Variants in CLSTN3 observed in about 807,000 individuals in gnomAD.
The protein encoded by CLSTN3 is calsyntenin 3.
In CLSTN3, 36 loss-of-function variants were observed where a neutral mutation model predicts 95.9. That is an observed-to-expected ratio of 0.38 (90% CI 0.29 to 0.50). CLSTN3 has a LOEUF of 0.50. Ranked by LOEUF, CLSTN3 falls within the 20% of genes least tolerant of loss-of-function variation. CLSTN3 has a pLI of 0.95. For missense variants in CLSTN3, 1,084 were observed against 1,268.8 expected (o/e 0.85, Z 2.21); for synonymous variants, 481 against 504.0 (o/e 0.95, Z 0.61).
intron 1 of CLSTN3, 133 bp downstream of exon 1, chr12:7,130,845 C>A: frequency 2.5e-6 from 2 of 788,562 alleles, no homozygotes. Flanking sequence ...ACCCTCCTTC[C>A]CATCCGTTCT....
intron 16 of CLSTN3, chr12:7,156,559 G>A: frequency 2.2e-6 from 1 of 456,796 alleles, no homozygotes; most frequent in South Asian, 1.5e-5. Flanking sequence ...AGGCGGCCAG[G>A]TGGCTGGTGT....
intron 6 of CLSTN3, 60 bp downstream of exon 6, chr12:7,136,451 C>T (rs1939423196): frequency 2.1e-6 from 3 of 1,450,832 alleles, no homozygotes; most frequent in Non-Finnish European, 2.8e-6. Context: ...TCTGTCCAAA[C>T]TTTTCCAAGA....
At chr12:7,140,989 C>A (rs1371553396) in intron 8 of CLSTN3, among the ~76,000 whole-genome samples, 1 of 152,192 alleles carries the variant, frequency 6.6e-6, no homozygotes, top group Non-Finnish European at 1.5e-5. Flanking sequence ...TGTTACTCCT[C>A]TTAGGAATAT....
At chr12:7,129,675 T>C (rs1939241021), upstream of CLSTN3, 14 of 985,390 alleles carry the variant, frequency 1.4e-5, no homozygotes, top group Non-Finnish European at 1.7e-5. This position sits in a 1 kb window ranked among gnomAD's most constrained non-coding sequence, Gnocchi z 5.5. Context: ...CTAAATAATA[T>C]TGTGCCCCGC....
chr12:7,133,089 G>T lies in CLSTN3; in HGVS notation c.130G>T (p.Val44Phe). 6.2e-7 allele frequency: 1 copy of T among 1,614,086 alleles called. No individual in the cohort carries two copies. Among genetic ancestry groups the T allele is most frequent in the Non-Finnish European group, 8.5e-7 (1 of 1,180,014 alleles). The part of the protein sequence containing the change: ...QGIVMENDNT[V>F]LLNPPLFALD... Reference sequence around the variant, plus strand: ...CATCGTCATGGAGAATGACAACACGGTCCTACTGAATCCACCACTCTTTGC... The same window carrying T: ...CATCGTCATGGAGAATGACAACACGTTCCTACTGAATCCACCACTCTTTGC... Residue 44 changes from valine (V) to phenylalanine (F), a missense_variant, in exon 2 of 18, where the codon GTC becomes TTC. By Grantham distance (50) the Val-to-Phe change is conservative. Transcript: ENST00000266546. This position sits in a 1 kb window ranked among gnomAD's most constrained non-coding sequence, Gnocchi z 4.7.
chr12:7,147,657 A>G (rs1939643958), intron 12 of CLSTN3, among the ~76,000 whole-genome samples: 1 of 151,542 alleles, frequency 6.6e-6, no homozygotes, highest in Admixed American at 6.6e-5. Flanking sequence ...TGGGACTACA[A>G]GCATCTACCA....
In CLSTN3 at chr12:7,149,048, C is replaced by G. The variant is rs146459793; in HGVS notation, c.1924C>G (p.Gln642Glu). 32 of 1,614,240 alleles carry G rather than the reference C, an allele frequency of 2.0e-5. No homozygotes were observed. In the African/African-American group the frequency reaches 3.9e-4, roughly 19 times the overall value. Residue 642 changes from glutamine to glutamate, a missense_variant, in exon 13 of 18, where the codon CAG (glutamine) becomes GAG (glutamate). Transcript: ENST00000266546. The surrounding 1 kb of genome is among the most constrained non-coding windows in gnomAD (Gnocchi z 4.5). Reference sequence around the variant, plus strand: ...GGTCGTCCTTCAGCCTGACGCCCCCCAGATCCTGCTGAGTGGCACTGCTCA... The same window carrying G: ...GGTCGTCCTTCAGCCTGACGCCCCCGAGATCCTGCTGAGTGGCACTGCTCA... ...YVVVLQPDAPQILLSGTAHFA... is the reference protein window; with the variant it reads ...YVVVLQPDAPEILLSGTAHFA...
In CLSTN3 at chr12:7,149,445, G is replaced by A; in HGVS notation, c.2075-78G>A. 7.4e-7 allele frequency: 1 copy of A among 1,356,876 alleles called. No homozygotes were observed. Among genetic ancestry groups the A allele is most frequent in the Non-Finnish European group, 1.0e-6 (1 of 972,708 alleles). The allele number at this position is 1,356,876 out of a possible 1,614,324, so 84.1% of individuals were successfully genotyped here. A position where few individuals can be genotyped will look rare whatever the true frequency, so the allele number is the denominator to read the frequency against. ...TGGCCCTGGAAAGGGAGGGAGAGTGGTGATGAGGGCATGGTTGGGTCTCAG... is the reference window on the plus strand; with the variant it reads ...TGGCCCTGGAAAGGGAGGGAGAGTGATGATGAGGGCATGGTTGGGTCTCAG... On this transcript the variant is annotated intron_variant, in intron 13 of 17. Coordinates refer to ENST00000266546, the MANE Select transcript of CLSTN3 (RefSeq NM_014718.4). This position sits in a 1 kb window ranked among gnomAD's most constrained non-coding sequence, Gnocchi z 4.5.
chr12:7,156,888 C>T (rs1435307315), intron 16 of CLSTN3: 3 of 454,194 alleles, frequency 6.6e-6, no homozygotes, highest in Non-Finnish European at 1.3e-5. Flanking sequence ...AGCCCCAAGC[C>T]CACCAGGAGA....
intron 12 of CLSTN3, among the ~76,000 whole-genome samples, chr12:7,144,815 C>T (rs1440150546): frequency 6.6e-6 from 1 of 152,132 alleles, no homozygotes; most frequent in Non-Finnish European, 1.5e-5. Flanking sequence ...TATCAGGCCT[C>T]ACAGTTAGAG....
At chr12:7,142,752 C>CTTTT in intron 10 of CLSTN3, 117 bp from the exon 11 acceptor site, 7 of 562,514 alleles carry the variant, frequency 1.2e-5, no homozygotes, top group Admixed American at 4.0e-5. Flanking sequence ...CACATTTCTC[C>CTTTT]TTTTTTTCTT....
intron 6 of CLSTN3, 61 bp downstream of exon 6, chr12:7,136,452 T>G: frequency 6.9e-7 from 1 of 1,450,170 alleles, no homozygotes; most frequent in South Asian, 1.4e-5. Context: ...CTGTCCAAAC[T>G]TTTCCAAGAC....
chr12:7,144,564 C>T (rs1428605419), intron 12 of CLSTN3, among the ~76,000 whole-genome samples: 1 of 152,156 alleles, frequency 6.6e-6, no homozygotes, highest in Non-Finnish European at 1.5e-5. Context: ...TACATAAAGG[C>T]ATTTTCACCC....
At position 7,133,783 on chromosome 12, in the gene CLSTN3, G is replaced by T; in HGVS notation, c.383+15G>T. Reference sequence around the variant, plus strand: ...AAGTCCCACAAGTGAGGAAGTCCTTGTCTCCTGCCCCATGTGTTGCAGGGT... The same window carrying T: ...AAGTCCCACAAGTGAGGAAGTCCTTTTCTCCTGCCCCATGTGTTGCAGGGT... On this transcript the variant is annotated intron_variant, in intron 3 of 17. Transcript: ENST00000266546. This position sits in a 1 kb window ranked among gnomAD's most constrained non-coding sequence, Gnocchi z 4.7. 19 of 1,550,008 alleles carry T rather than the reference G, an allele frequency of 1.2e-5. No individual in the cohort carries two copies. The highest frequency in any genetic ancestry group is 1.7e-5 in the Non-Finnish European group (19 of 1,151,192).
At chr12:7,142,731 T>C in intron 10 of CLSTN3, 138 bp from the exon 11 acceptor site, 1 of 585,074 alleles carries the variant, frequency 1.7e-6, no homozygotes, top group Non-Finnish European at 2.8e-6. Context: ...TTTTTTTTTT[T>C]TTTTGGTTTC....
At chr12:7,144,661 C>T (rs888419009) in intron 12 of CLSTN3, among the ~76,000 whole-genome samples, 4 of 152,148 alleles carry the variant, frequency 2.6e-5, no homozygotes, top group African/African-American at 9.7e-5. Flanking sequence ...TTCTGCGTTC[C>T]AATCTTGTTA....
chr12:7,141,387 T>C lies in CLSTN3; in HGVS notation c.1469T>C (p.Ile490Thr), dbSNP rs140816333. ...CCCCGAAGGGAGCCTGCTCTCATGATTGGGGCCTGCTGGACTGGTAAGCTT... is the reference window on the plus strand; with the variant it reads ...CCCCGAAGGGAGCCTGCTCTCATGACTGGGGCCTGCTGGACTGGTAAGCTT... ...HPPRREPALM[I>T]GACWTEEKNK... is the part of the protein sequence containing the mutation. Residue 490 changes from isoleucine (I) to threonine (T), a missense_variant, in exon 9 of 18, where the codon ATT (isoleucine) becomes ACT (threonine). By Grantham distance (89) the Ile-to-Thr change is moderately conservative. Coordinates refer to ENST00000266546, the MANE Select transcript of CLSTN3 (RefSeq NM_014718.4). The surrounding 1 kb of genome is among the most constrained non-coding windows in gnomAD (Gnocchi z 4.1). 4 of 1,614,064 alleles carry C rather than the reference T, an allele frequency of 2.5e-6. No homozygotes were observed. In the African/African-American group the frequency reaches 4.0e-5, roughly 16 times the overall value.
chr12:7,131,813 T>G (rs1339239142), intron 1 of CLSTN3: 2 of 456,366 alleles, frequency 4.4e-6, no homozygotes, highest in East Asian at 1.4e-4. Context: ...TCCTCAGCAT[T>G]CAGGAAGGGG....
At chr12:7,132,946 C>T in intron 1 of CLSTN3, 78 bp from the exon 2 acceptor site, 1 of 1,600,264 alleles carries the variant, frequency 6.2e-7, no homozygotes, top group Non-Finnish European at 8.5e-7. Flanking sequence ...TGTGAGTTGT[C>T]TGGGTCAACA....
Sources: allele counts gnomAD v4.1 joint callset (sites outside exome capture counted in the v4.1 genomes callset), GRCh38; gene constraint gnomAD v4.1.1; non-coding constraint Gnocchi (gnomAD v3.1); transcripts MANE v1.5; gene names NCBI Gene and HGNC (gene_info 2026-07-23, HGNC 2026-07-21).